MAP2: variants seen among roughly 807,000 people sequenced by gnomAD.
MAP2 encodes the protein microtubule-associated protein 2.
Under a neutral mutation model 137.6 loss-of-function variants are expected in MAP2, and 14 were observed. That is an observed-to-expected ratio of 0.10 (90% CI 0.07 to 0.16). The LOEUF is 0.16. Among genes scored for constraint, MAP2 ranks in the 10% least tolerant of loss-of-function variants. The pLI, the probability that MAP2 is intolerant of heterozygous loss-of-function variation, is 1.00. For missense variants in MAP2, 2,088 were observed against 2,191.5 expected, an observed-to-expected ratio of 0.95 and a Z score of 0.94; for synonymous variants, 786 against 782.3, an observed-to-expected ratio of 1.00 and a Z score of -0.08.
At chr2:209,723,784 G>T in intron 13 of MAP2, 1 of 785,370 alleles carries the variant, frequency 1.3e-6, no homozygotes, top group South Asian at 1.5e-5. Context: ...CCAACACACT[G>T]CTCCTTTCTC....
intron 2 of MAP2, among the ~76,000 whole-genome samples, chr2:209,523,363 A>G (rs1231701916): frequency 6.6e-6 from 1 of 152,148 alleles, no homozygotes; most frequent in African/African-American, 2.4e-5. Context: ...ATATAATTTT[A>G]GTGTTTATGA....
intron 3 of MAP2, among the ~76,000 whole-genome samples, chr2:209,593,634 A>AAAATAT (rs1286103137): frequency 2.4e-4 from 8 of 33,642 alleles, no homozygotes; most frequent in East Asian, 1.4e-3. Flanking sequence ...AAAAAAAAAA[A>AAAATAT]ATATATATAT....
chr2:209,468,701 G>T (rs1045654430), intron 1 of MAP2, among the ~76,000 whole-genome samples: 1 of 152,158 alleles, frequency 6.6e-6, no homozygotes, highest in African/African-American at 2.4e-5. Context: ...AGCAACATGA[G>T]TTTCATGATT....
intron 2 of MAP2, among the ~76,000 whole-genome samples, chr2:209,527,385 A>G (rs1362137904): frequency 6.6e-6 from 1 of 152,258 alleles, no homozygotes; most frequent in Non-Finnish European, 1.5e-5. Context: ...AGTTTTTGGC[A>G]CATCATAGTT....
At position 209,730,401 on chromosome 2, in the gene MAP2, T is replaced by G; in HGVS notation, c.*4T>G. Reference sequence around the variant, plus strand: ...ACTCGCTAAGCAGGGCTTGTGAATATTTCTCATTTAGCATTGAAATAATAA... The same window carrying G: ...ACTCGCTAAGCAGGGCTTGTGAATAGTTCTCATTTAGCATTGAAATAATAA... On this transcript the variant is annotated 3_prime_UTR_variant, in exon 16 of 16. Transcript: ENST00000682079. The G allele has an allele frequency of 6.2e-7, 1 of 1,610,108 alleles. No homozygotes were observed. The highest frequency in any genetic ancestry group is 8.5e-7 in the Non-Finnish European group (1 of 1,176,844).
At chr2:209,718,105 T>C (rs190227036) in intron 13 of MAP2, among the ~76,000 whole-genome samples, 81 of 152,332 alleles carry the variant, frequency 5.3e-4, no homozygotes, top group Non-Finnish European at 1.2e-3. Context: ...CTTTATGCAA[T>C]AGAATTTTGT....
At chr2:209,564,137 T>G (rs962564026) in intron 2 of MAP2, among the ~76,000 whole-genome samples, 2 of 152,130 alleles carry the variant, frequency 1.3e-5, no homozygotes, top group Non-Finnish European at 2.9e-5. Context: ...AAAGGGATAA[T>G]ACGAAAAGGA....
intron 2 of MAP2, among the ~76,000 whole-genome samples, chr2:209,557,159 A>G (rs1278252490): frequency 6.6e-6 from 1 of 152,236 alleles, no homozygotes; most frequent in Non-Finnish European, 1.5e-5. Flanking sequence ...TTCAAAATAC[A>G]CTGAATAAAA....
chr2:209,544,170 T>C (rs2067565631), intron 2 of MAP2, among the ~76,000 whole-genome samples: 1 of 151,880 alleles, frequency 6.6e-6, no homozygotes, highest in South Asian at 2.1e-4. Flanking sequence ...GAGGTGGAGC[T>C]TGTAGTGAGC....
intron 2 of MAP2, among the ~76,000 whole-genome samples, chr2:209,572,668 A>G (rs1432107412): frequency 6.6e-6 from 1 of 152,166 alleles, no homozygotes; most frequent in African/African-American, 2.4e-5. Context: ...CAAGGATTCT[A>G]CTTTTTCAGG....
At chr2:209,599,251 G>T (rs1299305138) in intron 3 of MAP2, among the ~76,000 whole-genome samples, 1 of 151,894 alleles carries the variant, frequency 6.6e-6, no homozygotes, top group Non-Finnish European at 1.5e-5. Context: ...GTCTTCTTTT[G>T]AGAAGTGTCT....
intron 2 of MAP2, among the ~76,000 whole-genome samples, chr2:209,545,116 G>T (rs2067797314): frequency 6.6e-6 from 1 of 152,130 alleles, no homozygotes; most frequent in Non-Finnish European, 1.5e-5. Flanking sequence ...TGGTGGGTGG[G>T]GGAGGAAATC....
At chr2:209,433,899 CA>C (rs200364466) in intron 1 of MAP2, among the ~76,000 whole-genome samples, 13 of 148,466 alleles carry the variant, frequency 8.8e-5, no homozygotes, top group Admixed American at 2.0e-4. Context: ...GGGAAGTAGT[CA>C]AAAAAAAAAT....
intron 14 of MAP2, 34 bp from the exon 15 acceptor site, chr2:209,729,816 A>G (rs4673486): frequency 0.87 from 1,218,846 of 1,400,118 alleles, 537,467 homozygotes; most frequent in Non-Finnish European, 0.9. Flanking sequence ...CGAATGCAAG[A>G]TATAGTTAAA....
At position 209,693,950 on chromosome 2, in the gene MAP2, G is replaced by A. The variant is rs2059575900; in HGVS notation, c.1780G>A (p.Glu594Lys). The change falls in exon 8 of 16, where the codon GAA becomes AAA. Residue 594 changes from glutamate to lysine, a missense_variant. Glu to Lys is a moderately conservative substitution (Grantham distance 56). This residue lies in a region of MAP2 where 859 missense variants were observed against 794.5 expected (regional missense o/e 1.08). Transcript: ENST00000682079. ...KSIEPGSDYY[E>K]LSDTRESVHE... ...CATTGAGCCAGGCAGTGATTACTAT[G>A]AACTGAGTGACACTAGAGAAAGTGT... 1 of 1,613,718 alleles carries A rather than the reference G, an allele frequency of 6.2e-7. No individual in the cohort carries two copies. The highest frequency in any genetic ancestry group is 1.7e-5 in the Admixed American group (1 of 59,956).
intron 12 of MAP2, 61 bp downstream of exon 12, chr2:209,705,788 G>C: frequency 2.4e-6 from 3 of 1,264,760 alleles, no homozygotes; most frequent in Non-Finnish European, 3.3e-6. Context: ...AAGTGGAATA[G>C]CACTTATATT....
chr2:209,628,088 C>T (rs1422239937), intron 4 of MAP2, among the ~76,000 whole-genome samples: 6 of 152,038 alleles, frequency 3.9e-5, no homozygotes, highest in South Asian at 2.1e-4. Context: ...ATTTTTCGGC[C>T]GGGCACGGTG....
At position 209,524,038 on chromosome 2, in the gene MAP2, CT is replaced by C. The variant is rs1006840617; in HGVS notation, c.-172+16407del. On this transcript the variant is annotated intron_variant, in intron 2 of 15. Transcript: ENST00000682079. ...GCTAAATACTCAAAATTTATTTGAG[CT>C]TTTTTTTTTATTAAATGCAGCGAAA... Among the ~76,000 whole-genome samples, 101 of 148,298 alleles carry C rather than the reference CT, an allele frequency of 6.8e-4. 2 individuals carry two copies. The East Asian group carries it at 0.016, about 24-fold the overall frequency.
At chr2:209,498,017 A>G (rs1293575557) in intron 1 of MAP2, among the ~76,000 whole-genome samples, 12 of 152,242 alleles carry the variant, frequency 7.9e-5, no homozygotes, top group Admixed American at 7.8e-4. Flanking sequence ...TTCCAGCATT[A>G]ATTCAAAAGT....
Sources: gnomAD v4.1 joint callset for allele counts (sites outside exome capture counted in the v4.1 genomes callset) on GRCh38, gnomAD v4.1.1 for gene constraint, gnomAD v4.1.1 regional missense constraint, MANE v1.5 for transcripts, NCBI Gene and HGNC (gene_info 2026-07-23, HGNC 2026-07-21) for gene names.